The following FBXL13 variants were observed in gnomAD, a reference collection of about 807,000 sequenced individuals.
FBXL13 encodes F-box and leucine rich repeat protein 13.
Under a neutral mutation model 83.6 loss-of-function variants are expected in FBXL13, and 67 were observed. The observed-to-expected ratio is 0.80, with a 90% CI of 0.66 to 0.98. FBXL13 has a LOEUF of 0.98. Among genes scored for constraint, FBXL13 ranks in the 50% least tolerant of loss-of-function variants. The probability of loss-of-function intolerance (pLI) is 0.00; values close to 1 mark genes in which losing one functional copy is unlikely to be tolerated. For synonymous variants in FBXL13, 272 were observed against 299.5 expected, an observed-to-expected ratio of 0.91 and a Z score of 0.95; for missense variants, 822 against 866.5, an observed-to-expected ratio of 0.95 and a Z score of 0.64.
chr7:102,927,062 G>A (rs887180150), intron 9 of FBXL13, among the ~76,000 whole-genome samples: 1 of 152,196 alleles, frequency 6.6e-6, no homozygotes, highest in Non-Finnish European at 1.5e-5. Context: ...TAAGAGAGTA[G>A]TGGGACCATG....
At chr7:102,881,056 T>C (rs1333932157) in intron 14 of FBXL13, among the ~76,000 whole-genome samples, 1 of 152,226 alleles carries the variant, frequency 6.6e-6, no homozygotes, top group Non-Finnish European at 1.5e-5. Context: ...CTCAGCAGTA[T>C]ATTGAAAATA....
chr7:103,027,467 T>C, exon 5 of FBXL13: 2 of 1,611,172 alleles, frequency 1.2e-6, no homozygotes, highest in Non-Finnish European at 8.5e-7. Flanking sequence ...CTTCTTTCTT[T>C]TTACTCTTAT....
At position 102,958,303 on chromosome 7, in the gene FBXL13, G is replaced by C. The variant is rs574921337; in HGVS notation, c.724+5230C>G. On this transcript the variant is annotated intron_variant, in intron 8 of 19. Transcript: ENST00000313221. ...TCACAAGGACAGAAAACCAAACACC[G>C]CATGTTCTCATTCATAGGTGGGAAA... is the stretch of plus-strand genomic sequence containing the variant. Among the ~76,000 whole-genome samples the C allele has an allele frequency of 1.3e-5, 2 of 151,718 alleles. 1 individual carries two copies. Among genetic ancestry groups the C allele is most frequent in the Admixed American group, 1.3e-4 (2 of 15,208 alleles).
intron 1 of FBXL13, among the ~76,000 whole-genome samples, chr7:103,069,849 C>T: frequency 6.6e-6 from 1 of 152,142 alleles, no homozygotes; most frequent in Non-Finnish European, 1.5e-5. Flanking sequence ...GAGGCCGAGG[C>T]AGGTGGATCA....
At chr7:102,854,125 T>C (rs931640602) in intron 17 of FBXL13, among the ~76,000 whole-genome samples, 27 of 152,130 alleles carry the variant, frequency 1.8e-4, no homozygotes, top group African/African-American at 6.0e-4. Context: ...CCAACCCAAA[T>C]GTCCAACAAT....
intron 6 of FBXL13, among the ~76,000 whole-genome samples, chr7:103,022,614 T>A (rs971154636): frequency 6.6e-6 from 1 of 152,168 alleles, no homozygotes; most frequent in Non-Finnish European, 1.5e-5. Context: ...GATAACTGGC[T>A]AGCCACACGC....
chr7:102,932,001 T>C, intron 8 of FBXL13, 68 bp from the exon 10 acceptor site: 1 of 1,409,296 alleles, frequency 7.1e-7, no homozygotes, highest in Non-Finnish European at 1.0e-6. Flanking sequence ...TTTTCTATCT[T>C]ACATTGAATG....
intron 6 of FBXL13, among the ~76,000 whole-genome samples, chr7:103,022,765 C>CA (rs1355945462): frequency 1.3e-5 from 2 of 152,106 alleles, no homozygotes; most frequent in Non-Finnish European, 2.9e-5. Context: ...TAGAACTTGG[C>CA]AAAAATTTCA....
intron 14 of FBXL13, among the ~76,000 whole-genome samples, chr7:102,879,683 G>A (rs1276241424): frequency 3.3e-5 from 5 of 151,984 alleles, no homozygotes; most frequent in African/African-American, 9.7e-5. Context: ...AGTGGGGCTT[G>A]GGCATCTATA....
chr7:103,068,091 G>A (rs1426963068), intron 1 of FBXL13, among the ~76,000 whole-genome samples: 1 of 152,232 alleles, frequency 6.6e-6, no homozygotes, highest in Non-Finnish European at 1.5e-5. Context: ...GACCATAGAA[G>A]GACATGACTG....
rs61509300 is a variant in FBXL13, at chr7:102,981,404, C to CTGTGCAAATG, written c.496-13288_496-13287insCATTTGCACA. Reference sequence around the variant, plus strand: ...ATCTCCCATTGCCTGCACACCTTTCCCCCCCTTACCCACCTCTTTTTCTGA... The same window carrying CTGTGCAAATG: ...ATCTCCCATTGCCTGCACACCTTTCCTGTGCAAATGCCCCCTTACCCACCTCTTTTTCTGA... On this transcript the variant is annotated intron_variant, in intron 6 of 19. Transcript: ENST00000313221. Among the ~76,000 whole-genome samples the CTGTGCAAATG allele has an allele frequency of 4.9e-4, 75 of 151,876 alleles. 1 individual carries two copies. Among genetic ancestry groups the CTGTGCAAATG allele is most frequent in the African/African-American group, 1.7e-3 (69 of 41,392 alleles).
At chr7:102,813,746 AAC>A (rs1185602050) in intron 19 of FBXL13, among the ~76,000 whole-genome samples, 1 of 152,224 alleles carries the variant, frequency 6.6e-6, no homozygotes, top group Non-Finnish European at 1.5e-5. Context: ...TTCAGAAATT[AAC>A]AGATACAGTG....
intron 8 of FBXL13, among the ~76,000 whole-genome samples, chr7:102,962,591 A>G (rs1825406046): frequency 6.6e-6 from 1 of 152,196 alleles, no homozygotes. Flanking sequence ...CCAAATGTCC[A>G]ACAATGATAG....
intron 17 of FBXL13, among the ~76,000 whole-genome samples, chr7:102,841,878 T>C (rs1435183896): frequency 1.3e-5 from 2 of 152,204 alleles, no homozygotes; most frequent in East Asian, 1.9e-4. Context: ...CAGATTTCCA[T>C]AGTAAAACTC....
chr7:103,007,994 G>A (rs1197938813), intron 6 of FBXL13, among the ~76,000 whole-genome samples: 5 of 152,168 alleles, frequency 3.3e-5, no homozygotes, highest in Non-Finnish European at 5.9e-5. Context: ...GCAATGAGGA[G>A]GCATGGCTTA....
intron 11 of FBXL13, among the ~76,000 whole-genome samples, chr7:102,903,330 T>G (rs895622449): frequency 6.6e-6 from 1 of 152,128 alleles, no homozygotes; most frequent in Non-Finnish European, 1.5e-5. Flanking sequence ...CCTTAGGTTT[T>G]TCCAAATATA....
intron 16 of FBXL13, among the ~76,000 whole-genome samples, chr7:102,875,730 G>A (rs909503954): frequency 2.0e-5 from 3 of 152,132 alleles, no homozygotes; most frequent in Admixed American, 1.3e-4. Flanking sequence ...ATGGGACAGT[G>A]ACAAAATCTA....
chr7:102,913,208 G>A (rs1389741847), exon 11 of FBXL13: 3 of 1,614,050 alleles, frequency 1.9e-6, no homozygotes, highest in South Asian at 2.2e-5. Context: ...TGTAAGTTGT[G>A]GAAGTGCCTG....
At chr7:102,909,728 G>A (rs1425696735) in intron 11 of FBXL13, among the ~76,000 whole-genome samples, 1 of 152,136 alleles carries the variant, frequency 6.6e-6, no homozygotes, top group Admixed American at 6.5e-5. Context: ...TCTAACTGGT[G>A]CCCTATCCTG....
Sources: allele counts gnomAD v4.1 joint callset (sites outside exome capture counted in the v4.1 genomes callset), GRCh38; gene constraint gnomAD v4.1.1; transcripts MANE v1.5; gene names NCBI Gene and HGNC (gene_info 2026-07-23, HGNC 2026-07-21).